The following EYS variants were observed in gnomAD, a reference collection of about 807,000 sequenced individuals.
EYS encodes protein eyes shut homolog.
A neutral mutation model predicts 282.1 loss-of-function variants in EYS; 250 were observed. That is an observed-to-expected ratio of 0.89 (90% CI 0.80 to 0.98). EYS has a LOEUF of 0.98. Among genes scored for constraint, EYS ranks in the 50% least tolerant of loss-of-function variants. The pLI, the probability that EYS is intolerant of heterozygous loss-of-function variation, is 0.00. For synonymous variants in EYS, 1,355 were observed against 1,282.9 expected, an observed-to-expected ratio of 1.06 and a Z score of -1.20; for missense variants, 4,016 against 3,709.0, an observed-to-expected ratio of 1.08 and a Z score of -2.15.
At chr6:65,541,464 G>A (rs1033159116) in intron 2 of EYS, among the ~76,000 whole-genome samples, 5 of 152,020 alleles carry the variant, frequency 3.3e-5, no homozygotes, top group Admixed American at 1.3e-4. Flanking sequence ...TGAATTTGGA[G>A]GTTAATTCTG....
intron 33 of EYS, among the ~76,000 whole-genome samples, chr6:64,056,444 T>C (rs1017871982): frequency 5.9e-5 from 9 of 152,236 alleles, no homozygotes; most frequent in Non-Finnish European, 1.2e-4. Context: ...ATTCTGAGAA[T>C]ACATTCCTAT....
chr6:65,617,538 T>C (rs2149798966), intron 2 of EYS, among the ~76,000 whole-genome samples: 1 of 151,898 alleles, frequency 6.6e-6, no homozygotes, highest in East Asian at 1.9e-4. Flanking sequence ...TGGTATTATT[T>C]ATAATATATT....
chr6:63,773,607 G>A (rs1302201580), intron 40 of EYS, among the ~76,000 whole-genome samples: 4 of 152,184 alleles, frequency 2.6e-5, no homozygotes, highest in Non-Finnish European at 5.9e-5. Flanking sequence ...GGAAAACCAG[G>A]AAACATTTTG....
At chr6:64,233,617 T>C (rs1221012461) in intron 30 of EYS, among the ~76,000 whole-genome samples, 3 of 152,166 alleles carry the variant, frequency 2.0e-5, no homozygotes, top group Admixed American at 6.6e-5. Context: ...GTTTAGAAAA[T>C]AGTAAGTGTG....
intron 29 of EYS, among the ~76,000 whole-genome samples, chr6:64,324,273 G>C (rs2150386334): frequency 6.6e-6 from 1 of 152,270 alleles, no homozygotes; most frequent in South Asian, 2.1e-4. Context: ...AGATCAAAAA[G>C]TTAATTCACC....
chr6:65,053,804 A>G (rs1056053599), intron 13 of EYS, among the ~76,000 whole-genome samples: 2 of 151,964 alleles, frequency 1.3e-5, no homozygotes, highest in Non-Finnish European at 2.9e-5. Context: ...CCCACAGGAC[A>G]TATTTTGCTA....
At chr6:65,469,674 C>A (rs898075747) in intron 5 of EYS, among the ~76,000 whole-genome samples, 3 of 151,912 alleles carry the variant, frequency 2.0e-5, no homozygotes, top group Admixed American at 1.3e-4. Context: ...GAAAGAGGGA[C>A]ATTTTGCCAT....
chr6:63,996,114 T>C (rs1257033032), intron 34 of EYS, among the ~76,000 whole-genome samples: 6 of 151,950 alleles, frequency 3.9e-5, no homozygotes, highest in Admixed American at 3.3e-4. Flanking sequence ...AGGAAAACGA[T>C]ATATGTGTAG....
intron 11 of EYS, among the ~76,000 whole-genome samples, chr6:65,318,103 A>G (rs1371960144): frequency 1.3e-5 from 2 of 150,672 alleles, no homozygotes; most frequent in South Asian, 2.1e-4. Context: ...TCCTGACCTC[A>G]TGATCCGCCC....
intron 31 of EYS, among the ~76,000 whole-genome samples, chr6:64,164,511 A>G (rs777037804): frequency 1.2e-4 from 19 of 152,066 alleles, no homozygotes; most frequent in Non-Finnish European, 1.6e-4. Flanking sequence ...TCCTCATGTT[A>G]TTTGTTTAGC....
At position 64,800,735 on chromosome 6, in the gene EYS, G is replaced by A. The variant is rs562076151; in HGVS notation, c.3443+12643C>T. Among the ~76,000 whole-genome samples, 16 of 151,408 alleles carry A rather than the reference G, an allele frequency of 1.1e-4. No homozygotes were observed. In the East Asian group the frequency reaches 1.2e-3, roughly 11 times the overall value. On this transcript the variant is annotated intron_variant, in intron 22 of 42. Coordinates refer to ENST00000503581, the MANE Select transcript of EYS (RefSeq NM_001142800.2). The stretch of plus-strand genomic sequence containing the variant: ...CATACACTGACATTAGCTTTTTTAC[G>A]TTTTTACTTAAAAAATAAAAATAAT...
At chr6:63,923,999 A>C (rs1764644813) in intron 35 of EYS, among the ~76,000 whole-genome samples, 1 of 152,146 alleles carries the variant, frequency 6.6e-6, no homozygotes. Context: ...AAATGGTTCT[A>C]TTCATAGATC....
intron 13 of EYS, among the ~76,000 whole-genome samples, chr6:65,027,023 T>G (rs1388501196): frequency 7.3e-5 from 5 of 68,430 alleles, no homozygotes; most frequent in Non-Finnish European, 1.1e-4. Flanking sequence ...GTAATGTGTG[T>G]TTTTTTTTTT....
At chr6:64,874,871 T>C (rs1766696940) in intron 19 of EYS, among the ~76,000 whole-genome samples, 1 of 152,006 alleles carries the variant, frequency 6.6e-6, no homozygotes, top group Non-Finnish European at 1.5e-5. Context: ...ACATCGTGTA[T>C]GAAAAGATCC....
chr6:63,838,727 C>T (rs1771873305), intron 36 of EYS, among the ~76,000 whole-genome samples: 1 of 152,094 alleles, frequency 6.6e-6, no homozygotes, highest in Admixed American at 6.6e-5. Flanking sequence ...AAAGAGTAGG[C>T]CTCTCTTGGC....
At chr6:65,168,620 T>C (rs1279543261) in intron 12 of EYS, among the ~76,000 whole-genome samples, 1 of 151,086 alleles carries the variant, frequency 6.6e-6, no homozygotes, top group African/African-American at 2.4e-5. Flanking sequence ...CACCCTCCAA[T>C]ACCATCATCT....
chr6:64,921,642 G>A (rs993520620), intron 15 of EYS, among the ~76,000 whole-genome samples: 2 of 152,122 alleles, frequency 1.3e-5, no homozygotes, highest in African/African-American at 4.8e-5. Context: ...CAAACTCATG[G>A]AAAGAAAGGA....
At chr6:64,648,940 G>A (rs1032294797) in intron 22 of EYS, among the ~76,000 whole-genome samples, 1 of 152,122 alleles carries the variant, frequency 6.6e-6, no homozygotes, top group African/African-American at 2.4e-5. Flanking sequence ...GTATTTAGGG[G>A]TAAGGCTCTG....
At chr6:63,752,872 T>C (rs68177305) in intron 41 of EYS, among the ~76,000 whole-genome samples, 12,376 of 151,992 alleles carry the variant, frequency 0.081, 565 homozygotes, top group East Asian at 0.16. Context: ...TGCTCTGTTT[T>C]TGGTGTGATG....
Sources: gnomAD v4.1 joint callset for allele counts (sites outside exome capture counted in the v4.1 genomes callset) on GRCh38, gnomAD v4.1.1 for gene constraint, MANE v1.5 for transcripts, NCBI Gene and HGNC (gene_info 2026-07-23, HGNC 2026-07-21) for gene names.